Variants in MACROD2 observed in about 807,000 individuals in gnomAD.
The protein encoded by MACROD2 is ADP-ribose glycohydrolase MACROD2.
In MACROD2, 36 loss-of-function variants were observed where a neutral mutation model predicts 70.4. The observed-to-expected ratio is 0.51, with a 90% CI of 0.39 to 0.68. The LOEUF (loss-of-function observed/expected upper bound fraction) is 0.68, where lower values mean the gene tolerates loss of function less well. Among genes scored for constraint, MACROD2 ranks in the 30% least tolerant of loss-of-function variants. The probability of loss-of-function intolerance (pLI) is 0.00; values close to 1 mark genes in which losing one functional copy is unlikely to be tolerated. For missense variants in MACROD2, 496 were observed against 538.4 expected (o/e 0.92, Z 0.78); for synonymous variants, 172 against 178.8 (o/e 0.96, Z 0.30).
At chr20:15,794,425 G>A (rs1303632334) in intron 8 of MACROD2, among the ~76,000 whole-genome samples, 1 of 152,166 alleles carries the variant, frequency 6.6e-6, no homozygotes, top group African/African-American at 2.4e-5. Flanking sequence ...CATATCTTCA[G>A]CTGGGGCAGA....
chr20:15,323,807 C>G (rs1267775670), intron 6 of MACROD2, among the ~76,000 whole-genome samples: 1 of 152,036 alleles, frequency 6.6e-6, no homozygotes, highest in Non-Finnish European at 1.5e-5. Flanking sequence ...TAAGTTGTAT[C>G]CCCAGTGTCT....
At chr20:14,588,063 G>A (rs1981505183) in intron 4 of MACROD2, among the ~76,000 whole-genome samples, 1 of 152,036 alleles carries the variant, frequency 6.6e-6, no homozygotes, top group Admixed American at 6.6e-5. Context: ...TTTATAAAAG[G>A]AATTAAGAAG....
chr20:15,268,367 T>A (rs2077315399), intron 6 of MACROD2, among the ~76,000 whole-genome samples: 1 of 152,176 alleles, frequency 6.6e-6, no homozygotes, highest in Non-Finnish European at 1.5e-5. Flanking sequence ...AAAAATAGAT[T>A]GAGGGCCAGC....
At chr20:15,406,154 A>T (rs2146316427) in intron 6 of MACROD2, among the ~76,000 whole-genome samples, 1 of 152,260 alleles carries the variant, frequency 6.6e-6, no homozygotes, top group Admixed American at 6.5e-5. Context: ...TCTTATCCTC[A>T]CAGGAACCCA....
intron 5 of MACROD2, among the ~76,000 whole-genome samples, chr20:15,089,688 C>A (rs1250134162): frequency 1.3e-5 from 2 of 152,102 alleles, no homozygotes; most frequent in East Asian, 3.9e-4. Context: ...GCCCTTGAGT[C>A]CTGCTGCCAC....
At chr20:14,369,251 G>A (rs565042311) in intron 3 of MACROD2, among the ~76,000 whole-genome samples, 3 of 151,996 alleles carry the variant, frequency 2.0e-5, no homozygotes, top group East Asian at 1.9e-4. Context: ...GGTGCTTTGC[G>A]TTATTCCCCA....
intron 4 of MACROD2, among the ~76,000 whole-genome samples, chr20:14,555,537 T>A (rs946336447): frequency 6.6e-6 from 1 of 152,060 alleles, no homozygotes; most frequent in Admixed American, 6.6e-5. Context: ...GGAGCCCATA[T>A]GTTATAGACA....
At chr20:15,228,470 T>C (rs913069676) in intron 5 of MACROD2, among the ~76,000 whole-genome samples, 4 of 151,212 alleles carry the variant, frequency 2.6e-5, no homozygotes, top group East Asian at 1.9e-4. Context: ...GATTTTTCTT[T>C]TCTTTTTTCC....
intron 3 of MACROD2, among the ~76,000 whole-genome samples, chr20:14,221,427 C>A (rs892791454): frequency 1.5e-4 from 23 of 152,098 alleles, no homozygotes; most frequent in African/African-American, 5.6e-4. Context: ...ATAGGTATTA[C>A]CCCCTGCAGA....
chr20:15,992,742 C>T (rs1455020881), intron 15 of MACROD2, among the ~76,000 whole-genome samples: 1 of 152,164 alleles, frequency 6.6e-6, no homozygotes, highest in African/African-American at 2.4e-5. Flanking sequence ...TGGTCTTGCC[C>T]TGAGGTGTAT....
In MACROD2 at chr20:14,712,465, C is replaced by G. The variant is rs757609641; in HGVS notation, c.418+27506C>G. On this transcript the variant is annotated intron_variant, in intron 5 of 17. Coordinates refer to ENST00000684519, the MANE Select transcript of MACROD2 (RefSeq NM_001351661.2). ...TGGCATTCGTCTGTTTCTTACAGCT[C>G]CTGATACACGTTGAATGCCCTGCAT... Among the ~76,000 whole-genome samples, 7 of 152,162 alleles carry G rather than the reference C, an allele frequency of 4.6e-5. 1 individual carries two copies. In the Middle Eastern group the frequency reaches 0.024, roughly 518 times the overall value.
chr20:15,435,865 T>C (rs1441325878), intron 7 of MACROD2, among the ~76,000 whole-genome samples: 1 of 152,108 alleles, frequency 6.6e-6, no homozygotes, highest in Non-Finnish European at 1.5e-5. Context: ...ATTAATAGTG[T>C]GAGTCACATT....
intron 3 of MACROD2, among the ~76,000 whole-genome samples, chr20:14,343,927 T>G (rs546816647): frequency 6.6e-6 from 1 of 152,342 alleles, no homozygotes; most frequent in East Asian, 1.9e-4. Flanking sequence ...GAAACCATCT[T>G]ATTGTTTCAC....
chr20:15,857,068 T>G (rs537328329), intron 8 of MACROD2, among the ~76,000 whole-genome samples: 10 of 152,234 alleles, frequency 6.6e-5, no homozygotes, highest in Non-Finnish European at 1.5e-4. Context: ...TTAAGTCAGA[T>G]AAGCAGAATC....
Position 14,711,209 on chromosome 20 carries a change from A to G in MACROD2, c.418+26250A>G, listed in dbSNP as rs931304359. On this transcript the variant is annotated intron_variant, in intron 5 of 17. Transcript: ENST00000684519. ...GGATTTTTGTTCAACACAGATAGCC[A>G]TCTTTGATTTATTGGAACCTCTTGC... 6.6e-5 allele frequency among the ~76,000 whole-genome samples: 10 copies of G among 152,322 alleles called. No individual in the cohort carries two copies. The East Asian group carries it at 1.9e-3, about 29-fold the overall frequency.
chr20:15,073,025 C>T (rs1422424876), intron 5 of MACROD2, among the ~76,000 whole-genome samples: 1 of 152,022 alleles, frequency 6.6e-6, no homozygotes, highest in East Asian at 1.9e-4. Flanking sequence ...CTTTCTTTGC[C>T]CTTCTGCCAT....
At chr20:15,398,196 C>T (rs896385168) in intron 6 of MACROD2, among the ~76,000 whole-genome samples, 3 of 152,118 alleles carry the variant, frequency 2.0e-5, no homozygotes, top group African/African-American at 7.2e-5. Flanking sequence ...ACTGAGATTT[C>T]TATTCCTATC....
At position 15,338,467 on chromosome 20, in the gene MACROD2, T is replaced by A. The variant is rs964845323; in HGVS notation, c.541-92938T>A. ...AAAACAACCTGGATTTTTTTTTTTC[T>A]CCTTAGGTCTGGGTATCAATCAGAC... On this transcript the variant is annotated intron_variant, in intron 6 of 17. Coordinates refer to ENST00000684519, the MANE Select transcript of MACROD2 (RefSeq NM_001351661.2). 4.0e-5 allele frequency among the ~76,000 whole-genome samples: 6 copies of A among 151,264 alleles called. 1 individual carries two copies. Among genetic ancestry groups the A allele is most frequent in the African/African-American group, 1.2e-4 (5 of 40,710 alleles).
intron 4 of MACROD2, among the ~76,000 whole-genome samples, chr20:14,666,052 C>T (rs1016277745): frequency 3.3e-5 from 5 of 151,948 alleles, no homozygotes; most frequent in East Asian, 1.9e-4. Context: ...TCTACAGGGC[C>T]GAAATTAAAG....
Sources: gnomAD v4.1 joint callset for allele counts (sites outside exome capture counted in the v4.1 genomes callset) on GRCh38, gnomAD v4.1.1 for gene constraint, MANE v1.5 for transcripts, NCBI Gene and HGNC (gene_info 2026-07-23, HGNC 2026-07-21) for gene names.